DHODH: variants seen among roughly 807,000 people sequenced by gnomAD.
DHODH encodes dihydroorotate dehydrogenase (quinone), mitochondrial.
A neutral mutation model predicts 39.7 loss-of-function variants in DHODH; 30 were observed. The ratio of observed to expected loss-of-function variants is 0.76; its 90% CI spans 0.57 to 1.02. DHODH has a LOEUF of 1.02. Ranked by LOEUF, DHODH falls within the 50% of genes least tolerant of loss-of-function variation. The probability of loss-of-function intolerance (pLI) is 0.00; values close to 1 mark genes in which losing one functional copy is unlikely to be tolerated. For missense variants in DHODH, 531 were observed against 520.8 expected (o/e 1.02, Z -0.19); for synonymous variants, 222 against 213.8 (o/e 1.04, Z -0.34).
In DHODH at chr16:72,020,372, T is replaced by TATATATATATGTATATATATATATATA. The variant is rs746414347; in HGVS notation, c.518-752_518-751insATATATATATGTATATATATATATATA. 5.6e-4 allele frequency: 40 copies of TATATATATATGTATATATATATATATA among 70,822 alleles called. 1 individual carries two copies. The highest frequency in any genetic ancestry group is 2.6e-3 in the African/African-American group (40 of 15,208). 4.4% of individuals were successfully genotyped at this position (70,822 alleles called of 1,614,324 possible). A position where few individuals can be genotyped will look rare whatever the true frequency, so the allele number is the denominator to read the frequency against. ...ATATATATGTGTATATATATATATA[T>TATATATATATGTATATATATATATATA]TTTTTTTTTTTTTCTTTTTTTTGAG... On this transcript the variant is annotated intron_variant, in intron 4 of 8. Transcript: ENST00000219240.
intron 8 of DHODH, 96 bp from the exon 9 acceptor site, chr16:72,024,049 C>T (rs775095141): frequency 1.3e-4 from 166 of 1,276,314 alleles, no homozygotes; most frequent in Non-Finnish European, 1.7e-4. Flanking sequence ...GTGCCTGGGC[C>T]GGGATGATGC....
chr16:72,021,211 G>C lies in DHODH; in HGVS notation c.605G>C (p.Gly202Ala), dbSNP rs267606767. The C allele has an allele frequency of 3.7e-6, 6 of 1,611,664 alleles. No individual in the cohort carries two copies. Among genetic ancestry groups the C allele is most frequent in the Non-Finnish European group, 5.1e-6 (6 of 1,179,168 alleles). ...EDYAEGVRVL[G>A]PLADYLVVNV... ...TACGCAGAAGGGGTGCGCGTACTGG[G>C]CCCCCTGGCCGACTACCTGGTGGTG... The change falls in exon 5 of 9, where the codon GGC becomes GCC. Residue 202 changes from glycine to alanine, a missense_variant. By Grantham distance (60) the Gly-to-Ala change is moderately conservative (BLOSUM62 0). Coordinates refer to ENST00000219240, the MANE Select transcript of DHODH (RefSeq NM_001361.5).
At chr16:72,018,627 T>C (rs2041170519) in intron 4 of DHODH, among the ~76,000 whole-genome samples, 1 of 151,878 alleles carries the variant, frequency 6.6e-6, no homozygotes, top group Non-Finnish European at 1.5e-5. Flanking sequence ...GTCTACGGAG[T>C]GAAGCGGAGC....
At position 72,022,484 on chromosome 16, in the gene DHODH, C is replaced by CCT. The variant is rs1555531086; in HGVS notation, c.819+9_819+10insCT. 6.5e-7 allele frequency: 1 copy of CCT among 1,547,640 alleles called. No homozygotes were observed. Among genetic ancestry groups the CCT allele is most frequent in the Non-Finnish European group, 8.7e-7 (1 of 1,145,568 alleles). On this transcript the variant is annotated intron_variant, in intron 6 of 8. Transcript: ENST00000219240. ...CCAGTGTGGTCAAAGAGGTTTGAGT[C>CCT]GGGGCCTGGGCCCAGGGTGTGCCTC...
In DHODH at chr16:72,021,159, A is replaced by G. The variant is rs755461287; in HGVS notation, c.553A>G (p.Lys185Glu). ...LPLGVNLGKN[K>E]TSVDAAEDYA... ...TCTGGGGGTCAACTTGGGGAAGAAC[A>G]AGACCTCAGTGGACGCCGCGGAGGA... Residue 185 changes from lysine to glutamate, a missense_variant, in exon 5 of 9, where the codon AAG becomes GAG. Coordinates refer to ENST00000219240, the MANE Select transcript of DHODH (RefSeq NM_001361.5). 6 of 1,609,656 alleles carry G rather than the reference A, an allele frequency of 3.7e-6. No homozygotes were observed. The highest frequency in any genetic ancestry group is 5.1e-6 in the Non-Finnish European group (6 of 1,178,056).
In DHODH at chr16:72,020,333, A is replaced by ATATATATATATATATGTG. The variant is rs1484895909; in HGVS notation, c.518-776_518-775insGTGTATATATATATATAT. 51 of 91,844 alleles carry ATATATATATATATATGTG rather than the reference A, an allele frequency of 5.6e-4. 1 individual carries two copies. Among genetic ancestry groups the ATATATATATATATATGTG allele is most frequent in the African/African-American group, 2.0e-3 (44 of 21,948 alleles). The allele number at this position is 91,844 out of a possible 1,614,324, so 5.7% of individuals were successfully genotyped here. A position where few individuals can be genotyped will look rare whatever the true frequency, so the allele number is the denominator to read the frequency against. ...TATATGTGTATATGTATATGTGTAT[A>ATATATATATATATATGTG]TATATATATATATATATATATGTGT... On this transcript the variant is annotated intron_variant, in intron 4 of 8. Transcript: ENST00000219240.
chr16:72,022,599 GGT>G (rs2041233228), intron 6 of DHODH, 124 bp downstream of exon 6: 2 of 812,790 alleles, frequency 2.5e-6, no homozygotes, highest in Non-Finnish European at 4.1e-6. Context: ...AGGCTGGTTT[GGT>G]GTGTGTCATG....
chr16:72,021,388 C>A, intron 5 of DHODH, 77 bp downstream of exon 5: 1 of 1,457,974 alleles, frequency 6.9e-7, no homozygotes, highest in Non-Finnish European at 9.3e-7. Flanking sequence ...CCAGGGCGAA[C>A]CTTCAGCATC....
At chr16:72,019,783 T>C (rs1024101554) in intron 4 of DHODH, among the ~76,000 whole-genome samples, 8 of 152,196 alleles carry the variant, frequency 5.3e-5, no homozygotes, top group African/African-American at 1.9e-4. Context: ...GGAGAGTCCC[T>C]TTCCTCAGAG....
rs56347696 is a variant in DHODH, at chr16:72,009,509, C to CA, written c.21+750dup. On this transcript the variant is annotated intron_variant, in intron 1 of 8. Coordinates refer to ENST00000219240, the MANE Select transcript of DHODH (RefSeq NM_001361.5). Reference sequence around the variant, plus strand: ...TGGGCGACAGAGCGAGACTCCGTCTCAAAAAAAAAAAAAAAAAAAAAAAAA... The same window carrying CA: ...TGGGCGACAGAGCGAGACTCCGTCTCAAAAAAAAAAAAAAAAAAAAAAAAAA... Among the ~76,000 whole-genome samples the CA allele has an allele frequency of 3.5e-3, 170 of 48,120 alleles. 11 individuals carry two copies. Among genetic ancestry groups the CA allele is most frequent in the Non-Finnish European group, 4.5e-3 (130 of 28,626 alleles). 31.6% of individuals were successfully genotyped at this position (48,120 alleles called of 152,430 possible).
chr16:72,023,716 C>T, intron 8 of DHODH, 83 bp downstream of exon 8: 1 of 1,572,554 alleles, frequency 6.4e-7, no homozygotes, highest in Non-Finnish European at 8.7e-7. Context: ...TACTGTTGAT[C>T]TGTTTCTTAT....
In DHODH at chr16:72,012,030, T is replaced by A. The variant is rs1333689970; in HGVS notation, c.22-20T>A. On this transcript the variant is annotated intron_variant, in intron 1 of 8. Coordinates refer to ENST00000219240, the MANE Select transcript of DHODH (RefSeq NM_001361.5). ...TGCAGCCTGGCCTGGGGGACCCCCCTAATATGCTCTTTTTTGCAGAAGCGG... is the reference window on the plus strand; with the variant it reads ...TGCAGCCTGGCCTGGGGGACCCCCCAAATATGCTCTTTTTTGCAGAAGCGG... 4 of 1,612,672 alleles carry A rather than the reference T, an allele frequency of 2.5e-6. No homozygotes were observed. In the African/African-American group the frequency reaches 5.3e-5, roughly 22 times the overall value.
intron 4 of DHODH, chr16:72,020,429 T>G (rs1436121191): frequency 6.8e-6 from 1 of 147,644 alleles, no homozygotes; most frequent in African/African-American, 2.5e-5. Flanking sequence ...TAGGCTGGAG[T>G]GCAGTGGCGC....
chr16:72,008,816 G>C (rs1378356237), intron 1 of DHODH, 31 bp downstream of exon 1: 3 of 1,552,288 alleles, frequency 1.9e-6, no homozygotes, highest in African/African-American at 2.7e-5. Context: ...GTGTGGATGG[G>C]GGACCAGGGA....
At chr16:72,016,515 G>T in intron 3 of DHODH, 1 of 229,740 alleles carries the variant, frequency 4.4e-6, no homozygotes, top group Non-Finnish European at 8.7e-6. Flanking sequence ...TCTATCCCAA[G>T]CCAGGAGAAA....
rs975607218 is a variant in DHODH, at chr16:72,014,325, C to G, written c.235-148C>G. 83 of 738,354 alleles carry G rather than the reference C, an allele frequency of 1.1e-4. No individual in the cohort carries two copies. The Admixed American group carries it at 1.7e-3, about 15-fold the overall frequency. The allele number at this position is 738,354 out of a possible 1,614,324, so 45.7% of individuals were successfully genotyped here. A position where few individuals can be genotyped will look rare whatever the true frequency, so the allele number is the denominator to read the frequency against. On this transcript the variant is annotated intron_variant, in intron 2 of 8. Coordinates refer to ENST00000219240, the MANE Select transcript of DHODH (RefSeq NM_001361.5). ...GTTCCCCCAGTGCTCCATTCCACCC[C>G]CAAAGATTTTGACCTTGGGGGTGGG... is the stretch of plus-strand genomic sequence containing the variant.
chr16:72,023,494 G>A lies in DHODH; in HGVS notation c.994G>A (p.Val332Ile). The A allele has an allele frequency of 6.2e-7, 1 of 1,614,180 alleles. No individual in the cohort carries two copies. The change falls in exon 8 of 9, where the codon GTT becomes ATT. Residue 332 changes from valine (V) to isoleucine (I), a missense_variant. By Grantham distance (29) the Val-to-Ile change is conservative (BLOSUM62 3). Transcript: ENST00000219240. ...LTQGRVPIIG[V>I]GGVSSGQDAL... is the part of the protein sequence containing the mutation. Reference sequence around the variant, plus strand: ...TGTAGGCCGAGTTCCCATAATTGGGGTTGGTGGTGTGAGCAGCGGGCAGGA... The same window carrying A: ...TGTAGGCCGAGTTCCCATAATTGGGATTGGTGGTGTGAGCAGCGGGCAGGA...
chr16:72,021,311 G>T lies in DHODH; in HGVS notation c.705G>T (p.Lys235Asn). 1 of 1,602,182 alleles carries T rather than the reference G, an allele frequency of 6.2e-7. No individual in the cohort carries two copies. The highest frequency in any genetic ancestry group is 8.5e-7 in the Non-Finnish European group (1 of 1,176,654). ...CCGAGCTGCGCCGCCTGCTGACCAAGGTGGGCAGCTGCACCCCTCTCCAGG... is the reference window on the plus strand; with the variant it reads ...CCGAGCTGCGCCGCCTGCTGACCAATGTGGGCAGCTGCACCCCTCTCCAGG... The part of the protein sequence containing the change: ...GKAELRRLLT[K>N]VLQERDGLRR... The change falls in exon 5 of 9, where the codon AAG (lysine) becomes AAT (asparagine). Residue 235 changes from lysine to asparagine, a missense_variant and splice_region_variant. Coordinates refer to ENST00000219240, the MANE Select transcript of DHODH (RefSeq NM_001361.5).
intron 1 of DHODH, among the ~76,000 whole-genome samples, chr16:72,009,972 T>A (rs964352322): frequency 5.3e-5 from 8 of 152,134 alleles, no homozygotes; most frequent in Non-Finnish European, 1.0e-4. Context: ...GGTCTAGAAC[T>A]ATTGGCCTCA....
Sources: gnomAD v4.1 joint callset for allele counts (sites outside exome capture counted in the v4.1 genomes callset) on GRCh38, gnomAD v4.1.1 for gene constraint, MANE v1.5 for transcripts, NCBI Gene and HGNC (gene_info 2026-07-23, HGNC 2026-07-21) for gene names.